Variants in GALNT13 observed in about 807,000 individuals in gnomAD.
GALNT13 encodes polypeptide N-acetylgalactosaminyltransferase 13, also known as UDP-GalNAc:polypeptide N-acetylgalactosaminyltransferase 13.
Under a neutral mutation model 64.2 loss-of-function variants are expected in GALNT13, and 28 were observed. The observed-to-expected ratio is 0.44, with a 90% CI of 0.32 to 0.60. The LOEUF (loss-of-function observed/expected upper bound fraction) is 0.60, where lower values mean the gene tolerates loss of function less well. Ranked by LOEUF, GALNT13 falls within the 20% of genes least tolerant of loss-of-function variation. The pLI is 0.05. For synonymous variants in GALNT13, 214 were observed against 224.6 expected (o/e 0.95, Z 0.42); for missense variants, 577 against 669.8 (o/e 0.86, Z 1.53).
intron 7 of GALNT13, among the ~76,000 whole-genome samples, chr2:154,258,585 A>G (rs1296678552): frequency 6.6e-6 from 1 of 151,958 alleles, no homozygotes; most frequent in African/African-American, 2.4e-5. Context: ...TAGGCTATGG[A>G]TCTTTTCATA....
At chr2:154,245,713 ATAAT>A in intron 6 of GALNT13, 95 bp from the exon 7 acceptor site, 1 of 766,238 alleles carries the variant, frequency 1.3e-6, no homozygotes, top group South Asian at 2.1e-5. Flanking sequence ...AAGTAACAAA[ATAAT>A]TAAATTTCCT....
At chr2:153,202,634 A>G in the GALNT13 span, among the ~76,000 whole-genome samples, 5 of 152,180 alleles carry the variant, frequency 3.3e-5, no homozygotes, top group African/African-American at 1.2e-4. Flanking sequence ...GCAAACACAT[A>G]TGTAACTATA....
At chr2:153,277,799 T>A in the GALNT13 span, among the ~76,000 whole-genome samples, 1 of 151,960 alleles carries the variant, frequency 6.6e-6, no homozygotes, top group African/African-American at 2.4e-5. Context: ...CAGTTTTTTC[T>A]TGTTTGCTGA....
the GALNT13 span, among the ~76,000 whole-genome samples, chr2:153,652,911 C>G: frequency 1.3e-5 from 2 of 151,958 alleles, no homozygotes; most frequent in South Asian, 2.1e-4. Flanking sequence ...TTCTTTTCTT[C>G]CTTTAAAAAA....
At chr2:154,424,044 T>G (rs1700368786) in intron 11 of GALNT13, among the ~76,000 whole-genome samples, 1 of 152,124 alleles carries the variant, frequency 6.6e-6, no homozygotes, top group Non-Finnish European at 1.5e-5. Flanking sequence ...TAAGTATTTC[T>G]CAAAACCATC....
chr2:153,474,384 G>C, the GALNT13 span, among the ~76,000 whole-genome samples: 1 of 152,164 alleles, frequency 6.6e-6, no homozygotes, highest in Non-Finnish European at 1.5e-5. Context: ...AGTATAGGAA[G>C]ACACAGTAGC....
At chr2:154,103,743 C>T (rs577417908) in intron 3 of GALNT13, among the ~76,000 whole-genome samples, 1 of 152,208 alleles carries the variant, frequency 6.6e-6, no homozygotes, top group Non-Finnish European at 1.5e-5. Context: ...AGCCAGTGTT[C>T]TGTTTGAGTT....
intron 4 of GALNT13, among the ~76,000 whole-genome samples, chr2:154,192,208 T>C (rs536643426): frequency 6.6e-5 from 10 of 152,322 alleles, no homozygotes; most frequent in Admixed American, 3.9e-4. Context: ...CAGCCACTTA[T>C]CTTCTTCTGT....
intron 6 of GALNT13, among the ~76,000 whole-genome samples, chr2:154,243,632 G>C (rs1689617634): frequency 6.6e-6 from 1 of 152,174 alleles, no homozygotes; most frequent in African/African-American, 2.4e-5. Context: ...TCCTTCTGTT[G>C]TTGATGAAGT....
the GALNT13 span, among the ~76,000 whole-genome samples, chr2:153,103,302 C>A: frequency 1.1e-4 from 17 of 152,166 alleles, no homozygotes; most frequent in African/African-American, 4.1e-4. Context: ...CCAGCTCATT[C>A]CCTCCTTGGC....
intron 12 of GALNT13, among the ~76,000 whole-genome samples, chr2:154,443,138 C>T (rs1012942411): frequency 2.6e-5 from 4 of 152,058 alleles, no homozygotes; most frequent in African/African-American, 9.7e-5. Context: ...AACAATGGCT[C>T]AATTTACCTT....
chr2:153,297,754 G>T, the GALNT13 span, among the ~76,000 whole-genome samples: 1 of 152,226 alleles, frequency 6.6e-6, no homozygotes, highest in Non-Finnish European at 1.5e-5. Context: ...TTGCAGTGCA[G>T]TTGCTGAGGC....
the GALNT13 span, among the ~76,000 whole-genome samples, chr2:153,676,212 A>T: frequency 2.0e-5 from 3 of 152,090 alleles, no homozygotes; most frequent in Non-Finnish European, 4.4e-5. Flanking sequence ...AATACAAAAA[A>T]CCCTCAGAGA....
the GALNT13 span, among the ~76,000 whole-genome samples, chr2:153,132,457 A>T: frequency 2.0e-5 from 3 of 152,184 alleles, no homozygotes; most frequent in Non-Finnish European, 2.9e-5. Context: ...AGTAATAGAG[A>T]CTACCCATGT....
At chr2:154,205,091 T>C (rs894983036) in intron 4 of GALNT13, among the ~76,000 whole-genome samples, 20 of 152,140 alleles carry the variant, frequency 1.3e-4, no homozygotes, top group African/African-American at 4.3e-4. Context: ...ATCGGGTGAA[T>C]AGGATCCTTT....
chr2:153,692,665 T>C, the GALNT13 span, among the ~76,000 whole-genome samples: 34 of 152,246 alleles, frequency 2.2e-4, no homozygotes, highest in Non-Finnish European at 4.1e-4. Context: ...TGCTTTCATC[T>C]AGCAGTGCAG....
chr2:154,059,805 G>C (rs2105364338), intron 3 of GALNT13, among the ~76,000 whole-genome samples: 1 of 152,208 alleles, frequency 6.6e-6, no homozygotes, highest in Middle Eastern at 3.4e-3. Context: ...CTGCGGGAAA[G>C]AGATGACACA....
chr2:154,413,237 C>T (rs755457521), intron 11 of GALNT13, among the ~76,000 whole-genome samples: 1 of 151,824 alleles, frequency 6.6e-6, no homozygotes, highest in African/African-American at 2.4e-5. Context: ...ATTTCCTTTC[C>T]TTTCACAGAG....
chr2:153,137,715 G>T, the GALNT13 span, among the ~76,000 whole-genome samples: 1 of 149,396 alleles, frequency 6.7e-6, no homozygotes, highest in African/African-American at 2.5e-5. Flanking sequence ...AGTATATGAT[G>T]GAGCCTCAAA....
Sources: gnomAD v4.1 joint callset for allele counts (sites outside exome capture counted in the v4.1 genomes callset) on GRCh38, gnomAD v4.1.1 for gene constraint, MANE v1.5 for transcripts, NCBI Gene and HGNC (gene_info 2026-07-23, HGNC 2026-07-21) for gene names.